BIRC6: variants seen among roughly 807,000 people sequenced by gnomAD.
BIRC6 encodes dual E2 ubiquitin-conjugating enzyme/E3 ubiquitin-protein ligase BIRC6.
Under a neutral mutation model 503.3 loss-of-function variants are expected in BIRC6, and 98 were observed. That is an observed-to-expected ratio of 0.19 (90% CI 0.17 to 0.23). The LOEUF (loss-of-function observed/expected upper bound fraction) is 0.23. Among genes scored for constraint, BIRC6 ranks in the 10% least tolerant of loss-of-function variants. The probability of loss-of-function intolerance (pLI) is 1.00; values close to 1 mark genes in which losing one functional copy is unlikely to be tolerated. For missense variants in BIRC6, 5,360 were observed against 5,806.0 expected, an observed-to-expected ratio of 0.92 and a Z score of 2.50; for synonymous variants, 2,240 against 2,078.7, an observed-to-expected ratio of 1.08 and a Z score of -2.11.
At chr2:32,538,340 T>A (rs969363702) in intron 61 of BIRC6, among the ~76,000 whole-genome samples, 6 of 152,156 alleles carry the variant, frequency 3.9e-5, no homozygotes, top group African/African-American at 1.4e-4. Context: ...TGCAGAGATT[T>A]CAGCTGCTGT....
At chr2:32,556,124 C>T (rs1195424908) in intron 65 of BIRC6, among the ~76,000 whole-genome samples, 1 of 152,202 alleles carries the variant, frequency 6.6e-6, no homozygotes, top group East Asian at 1.9e-4. Context: ...GTATCTATAA[C>T]GTAAGTGCTT....
chr2:32,567,063 A>T (rs549259363), intron 65 of BIRC6, among the ~76,000 whole-genome samples: 2 of 152,080 alleles, frequency 1.3e-5, no homozygotes, highest in African/African-American at 4.8e-5. Context: ...CTCTGCCTCC[A>T]GGGTTCAAGC....
intron 67 of BIRC6, among the ~76,000 whole-genome samples, chr2:32,594,572 TGTG>T (rs1016517206): frequency 2.0e-5 from 3 of 152,142 alleles, no homozygotes; most frequent in Non-Finnish European, 4.4e-5. Flanking sequence ...GGCGTGTGCC[TGTG>T]GTCCCGGCTA....
Position 32,549,418 on chromosome 2 carries a change from C to T in BIRC6, c.13081C>T (p.Leu4361Phe). 1 of 1,508,422 alleles carries T rather than the reference C, an allele frequency of 6.6e-7. No individual in the cohort carries two copies. Among genetic ancestry groups the T allele is most frequent in the Non-Finnish European group, 9.0e-7 (1 of 1,107,872 alleles). The allele number at this position is 1,508,422 out of a possible 1,614,324, so 93.4% of individuals were successfully genotyped here. ...CAGTAATGCCCTTCCTTCTGTACTT[C>T]TCGAGCTTCTCAGTCAGTCCTGCCT... is the stretch of plus-strand genomic sequence containing the variant. ...QNSNALPSVLLELLSQSCLIP... is the reference protein window; with the variant it reads ...QNSNALPSVLFELLSQSCLIP... The change falls in exon 65 of 74, where the codon CTC becomes TTC. Residue 4361 changes from leucine to phenylalanine, a missense_variant. This residue lies in a region of BIRC6 where 477 missense variants were observed against 574.4 expected (regional missense o/e 0.83). Transcript: ENST00000421745.
At chr2:32,487,606 GATACTTTATGTATAAAATT>G in intron 40 of BIRC6, 22 bp from the exon 41 acceptor site, 1 of 1,575,298 alleles carries the variant, frequency 6.3e-7, no homozygotes, top group East Asian at 2.2e-5. Flanking sequence ...CACATATCCT[GATACTTTATGTATAAAATT>G]ATACTTGTGT....
intron 28 of BIRC6, 52 bp downstream of exon 28, chr2:32,468,163 A>G (rs2048754902): frequency 1.3e-6 from 2 of 1,526,912 alleles, no homozygotes; most frequent in Non-Finnish European, 1.8e-6. Context: ...ATTTTATATA[A>G]TGTCTTGCTT....
At chr2:32,551,545 G>T (rs2058426546) in intron 65 of BIRC6, among the ~76,000 whole-genome samples, 1 of 152,180 alleles carries the variant, frequency 6.6e-6, no homozygotes, top group African/African-American at 2.4e-5. Flanking sequence ...GCCTCCAAAA[G>T]TGCTGGAATT....
chr2:32,556,613 T>G (rs967497054), intron 65 of BIRC6, among the ~76,000 whole-genome samples: 9 of 152,146 alleles, frequency 5.9e-5, no homozygotes, highest in African/African-American at 1.7e-4. Context: ...ATAATTGTTT[T>G]GCAAACTAGA....
intron 63 of BIRC6, 71 bp from the exon 64 acceptor site, chr2:32,547,779 C>G: frequency 7.7e-7 from 1 of 1,297,212 alleles, no homozygotes; most frequent in Admixed American, 3.1e-5. Flanking sequence ...ATTTTACTTT[C>G]CCAGTGATAA....
chr2:32,567,956 T>TA (rs900112801), intron 65 of BIRC6, among the ~76,000 whole-genome samples: 1 of 151,686 alleles, frequency 6.6e-6, no homozygotes, highest in African/African-American at 2.4e-5. Context: ...AAATAATAAT[T>TA]AAAAAATTAG....
At chr2:32,481,249 C>T in intron 37 of BIRC6, 71 bp from the exon 38 acceptor site, 2 of 1,283,280 alleles carry the variant, frequency 1.6e-6, no homozygotes, top group Non-Finnish European at 1.0e-6. Context: ...CTTTTTTTAA[C>T]TAAAAGCATT....
At chr2:32,391,028 G>A (rs2039165222) in intron 4 of BIRC6, among the ~76,000 whole-genome samples, 1 of 151,944 alleles carries the variant, frequency 6.6e-6, no homozygotes, top group Admixed American at 6.6e-5. Flanking sequence ...CCTGAGATGG[G>A]AAAAAAGAAA....
At chr2:32,598,011 G>C in intron 69 of BIRC6, 43 bp downstream of exon 69, 1 of 1,479,322 alleles carries the variant, frequency 6.8e-7, no homozygotes, top group Non-Finnish European at 9.2e-7. Flanking sequence ...TATCTCCTTG[G>C]CTCATCTAAT....
chr2:32,563,183 G>C (rs2059314131), intron 65 of BIRC6: 1 of 152,196 alleles, frequency 6.6e-6, no homozygotes, highest in Non-Finnish European at 1.5e-5. Context: ...TACATGAAGA[G>C]GGTTGAGAAC....
intron 1 of BIRC6, among the ~76,000 whole-genome samples, chr2:32,358,529 A>G (rs924892972): frequency 2.6e-5 from 4 of 152,166 alleles, no homozygotes; most frequent in African/African-American, 9.7e-5. Context: ...TTAGTGTATG[A>G]GTGAATCGGA....
intron 22 of BIRC6, among the ~76,000 whole-genome samples, chr2:32,449,442 A>T (rs1170273458): frequency 6.6e-6 from 1 of 152,118 alleles, no homozygotes; most frequent in Non-Finnish European, 1.5e-5. Flanking sequence ...TGTTTTTCGG[A>T]TGTATGCATG....
Position 32,504,034 on chromosome 2 carries a change from TTGTGTGTGTGTGTGTGTG to T in BIRC6, c.9499+824_9499+841del, listed in dbSNP as rs556051105. Among the ~76,000 whole-genome samples, 50 of 78,250 alleles carry T rather than the reference TTGTGTGTGTGTGTGTGTG, an allele frequency of 6.4e-4. No individual in the cohort carries two copies. In the South Asian group the frequency reaches 0.028, roughly 43 times the overall value. The allele number at this position is 78,250 out of a possible 152,430, so 51.3% of individuals were successfully genotyped here. A position where few individuals can be genotyped will look rare whatever the true frequency, so the allele number is the denominator to read the frequency against. On this transcript the variant is annotated intron_variant, in intron 49 of 73. Transcript: ENST00000421745. ...ACTGGGGCGGGGGGTGGGGGGGTGT[TTGTGTGTGTGTGTGTGTG>T]TGTGTGTGTGTGTGTGTGTGTGTGT...
intron 1 of BIRC6, among the ~76,000 whole-genome samples, chr2:32,363,395 T>G (rs2149121000): frequency 6.6e-6 from 1 of 152,300 alleles, no homozygotes; most frequent in African/African-American, 2.4e-5. Context: ...ATATTCAGTT[T>G]TTGGACTTAA....
At chr2:32,476,179 G>C in intron 33 of BIRC6, 34 bp from the exon 34 acceptor site, 1 of 1,493,948 alleles carries the variant, frequency 6.7e-7, no homozygotes, top group Non-Finnish European at 8.9e-7. Context: ...TTTTAACGTT[G>C]TTAAAGATTA....
Sources: allele counts gnomAD v4.1 joint callset (sites outside exome capture counted in the v4.1 genomes callset), GRCh38; gene constraint gnomAD v4.1.1; regional missense constraint gnomAD v4.1.1; transcripts MANE v1.5; gene names NCBI Gene and HGNC (gene_info 2026-07-23, HGNC 2026-07-21).